CCDC60: variants seen among roughly 807,000 people sequenced by gnomAD.
CCDC60 encodes coiled-coil domain containing 60.
Under a neutral mutation model 63.5 loss-of-function variants are expected in CCDC60, and 54 were observed. The ratio of observed to expected loss-of-function variants is 0.85; its 90% CI spans 0.68 to 1.07. The LOEUF is 1.07. Among genes scored for constraint, CCDC60 ranks in the 50% least tolerant of loss-of-function variants. The probability of loss-of-function intolerance (pLI) is 0.00; values close to 1 mark genes in which losing one functional copy is unlikely to be tolerated. For synonymous variants in CCDC60, 206 were observed against 238.8 expected, an observed-to-expected ratio of 0.86 and a Z score of 1.27; for missense variants, 651 against 684.3, an observed-to-expected ratio of 0.95 and a Z score of 0.54.
intron 1 of CCDC60, among the ~76,000 whole-genome samples, chr12:119,363,242 C>T (rs1236133432): frequency 1.3e-5 from 2 of 152,148 alleles, no homozygotes; most frequent in Non-Finnish European, 2.9e-5. Context: ...GTAGTGATAC[C>T]TCATCGTGCT....
chr12:119,516,750 T>C (rs1166376936), intron 8 of CCDC60, 43 bp downstream of exon 8: 1 of 1,351,614 alleles, frequency 7.4e-7, no homozygotes, highest in Non-Finnish European at 1.1e-6. Context: ...CTTAGAATAA[T>C]AGCAATCACA....
chr12:119,391,638 A>G (rs1001913443), intron 1 of CCDC60, among the ~76,000 whole-genome samples: 1 of 152,262 alleles, frequency 6.6e-6, no homozygotes, highest in African/African-American at 2.4e-5. Flanking sequence ...AGTAATGTGC[A>G]TGTCATGTGA....
intron 2 of CCDC60, among the ~76,000 whole-genome samples, chr12:119,467,579 T>G (rs1490130288): frequency 1.3e-5 from 2 of 152,254 alleles, no homozygotes; most frequent in Admixed American, 6.5e-5. Context: ...CCAACCATGC[T>G]GGCACCCTGA....
rs114012132 is a variant in CCDC60, at chr12:119,335,322, A to C, written c.90+56A>C. On this transcript the variant is annotated intron_variant, in intron 1 of 13. Transcript: ENST00000327554. ...GTTTTCGAGAACAAGTGAAATAGGA[A>C]TTAGCTGGGTCAAATGGTATTTCTA... The C allele has an allele frequency of 5.1e-3, 6,759 of 1,317,736 alleles. 102 individuals carry two copies. The highest frequency in any genetic ancestry group is 0.032 in the Middle Eastern group (173 of 5,388). The allele number at this position is 1,317,736 out of a possible 1,614,324, so 81.6% of individuals were successfully genotyped here. A position where few individuals can be genotyped will look rare whatever the true frequency, so the allele number is the denominator to read the frequency against.
chr12:119,496,281 A>C (rs1380130286), intron 5 of CCDC60, among the ~76,000 whole-genome samples: 1 of 152,240 alleles, frequency 6.6e-6, no homozygotes, highest in East Asian at 1.9e-4. Flanking sequence ...GAAAGAGAGC[A>C]CGAAGTATTT....
chr12:119,366,099 A>G (rs1180582342), intron 1 of CCDC60, among the ~76,000 whole-genome samples: 2 of 152,182 alleles, frequency 1.3e-5, no homozygotes, highest in African/African-American at 4.8e-5. Flanking sequence ...AAGATGCTTC[A>G]CATGAACTCC....
intron 9 of CCDC60, 143 bp from the exon 10 acceptor site, chr12:119,522,796 T>C (rs773535306): frequency 5.2e-5 from 40 of 762,974 alleles, no homozygotes; most frequent in Non-Finnish European, 7.3e-5. Flanking sequence ...AAGAAATTCA[T>C]AGAGTTCTGT....
intron 5 of CCDC60, among the ~76,000 whole-genome samples, chr12:119,490,371 C>T (rs1158543578): frequency 1.3e-5 from 2 of 152,018 alleles, no homozygotes; most frequent in South Asian, 2.1e-4. Context: ...AAATAGAAAC[C>T]TCTGTAATGT....
intron 1 of CCDC60, among the ~76,000 whole-genome samples, chr12:119,372,595 C>T (rs1237565292): frequency 6.6e-6 from 1 of 152,086 alleles, no homozygotes; most frequent in Admixed American, 6.5e-5. Flanking sequence ...TGCCATAGTC[C>T]AAAGCTGCTT....
chr12:119,493,931 AAC>A (rs1217230734), intron 5 of CCDC60, among the ~76,000 whole-genome samples: 2 of 152,188 alleles, frequency 1.3e-5, no homozygotes, highest in African/African-American at 4.8e-5. Context: ...CCTGTCATCA[AAC>A]ACAATATTTC....
chr12:119,445,089 C>T (rs894322353), intron 2 of CCDC60, among the ~76,000 whole-genome samples: 1 of 151,940 alleles, frequency 6.6e-6, no homozygotes, highest in Admixed American at 6.6e-5. Context: ...AAAAATATAC[C>T]CGAACTTTAT....
At chr12:119,389,390 A>G (rs1175185277) in intron 1 of CCDC60, among the ~76,000 whole-genome samples, 1 of 152,184 alleles carries the variant, frequency 6.6e-6, no homozygotes, top group Non-Finnish European at 1.5e-5. Context: ...GAGTTGTACA[A>G]GAGACTGTAT....
At chr12:119,515,255 G>A (rs1343486087) in intron 7 of CCDC60, among the ~76,000 whole-genome samples, 1 of 152,194 alleles carries the variant, frequency 6.6e-6, no homozygotes, top group African/African-American at 2.4e-5. Flanking sequence ...TTAGCAGAGA[G>A]GGTCACACAA....
At chr12:119,365,250 T>C (rs1955829519) in intron 1 of CCDC60, among the ~76,000 whole-genome samples, 1 of 152,084 alleles carries the variant, frequency 6.6e-6, no homozygotes, top group Non-Finnish European at 1.5e-5. Flanking sequence ...GTTAGACTGA[T>C]TGCAAAGGAG....
chr12:119,384,055 G>C (rs573200616), intron 1 of CCDC60, among the ~76,000 whole-genome samples: 1 of 152,258 alleles, frequency 6.6e-6, no homozygotes, highest in Non-Finnish European at 1.5e-5. Flanking sequence ...AATTAGCCGG[G>C]CGTGGTGGCG....
At chr12:119,382,556 C>T (rs1196813252) in intron 1 of CCDC60, among the ~76,000 whole-genome samples, 5 of 152,174 alleles carry the variant, frequency 3.3e-5, no homozygotes, top group African/African-American at 4.8e-5. Context: ...CTCAAGGAGG[C>T]CCAGTATGGC....
At chr12:119,425,138 G>C (rs553486630) in intron 1 of CCDC60, among the ~76,000 whole-genome samples, 6 of 152,248 alleles carry the variant, frequency 3.9e-5, no homozygotes, top group Admixed American at 1.3e-4. Flanking sequence ...TCAATCATGT[G>C]TTTTCAAATT....
intron 13 of CCDC60, among the ~76,000 whole-genome samples, chr12:119,537,285 C>T (rs1333115474): frequency 6.6e-6 from 1 of 152,196 alleles, no homozygotes; most frequent in Non-Finnish European, 1.5e-5. Flanking sequence ...CTTCTCTTCA[C>T]TGTTTATTCT....
chr12:119,393,552 T>C (rs1956198148), intron 1 of CCDC60, among the ~76,000 whole-genome samples: 1 of 152,232 alleles, frequency 6.6e-6, no homozygotes, highest in Admixed American at 6.5e-5. Flanking sequence ...CATGTTTATA[T>C]TTTTAAAATG....
Sources: gnomAD v4.1 joint callset for allele counts (sites outside exome capture counted in the v4.1 genomes callset) on GRCh38, gnomAD v4.1.1 for gene constraint, MANE v1.5 for transcripts, NCBI Gene and HGNC (gene_info 2026-07-23, HGNC 2026-07-21) for gene names.